The following TUSC3 variants were observed in gnomAD, a reference collection of about 807,000 sequenced individuals.
The protein encoded by TUSC3 is tumor suppressor candidate 3.
TUSC3 carries 45 observed loss-of-function variants against 44.8 expected under a neutral mutation model. The ratio of observed to expected loss-of-function variants is 1.00; its 90% confidence interval spans 0.79 to 1.29. The LOEUF (loss-of-function observed/expected upper bound fraction) is 1.29, where lower values mean the gene tolerates loss of function less well. TUSC3 is among the 50% of genes most tolerant of loss of function. The pLI is 0.00. For synonymous variants in TUSC3, 212 were observed against 152.9 expected, an observed-to-expected ratio of 1.39 and a Z score of -2.85; for missense variants, 519 against 437.9, an observed-to-expected ratio of 1.19 and a Z score of -1.65.
At chr8:15,816,159 G>C in the TUSC3 span, among the ~76,000 whole-genome samples, 884 of 152,254 alleles carry the variant, frequency 5.8e-3, 7 homozygotes, top group Non-Finnish European at 8.2e-3. Flanking sequence ...GGAGGTTTAG[G>C]AGCTTCTATA....
At chr8:15,504,875 A>C (rs773384899) in intron 2 of TUSC3, among the ~76,000 whole-genome samples, 1 of 151,590 alleles carries the variant, frequency 6.6e-6, no homozygotes, top group Non-Finnish European at 1.5e-5. Flanking sequence ...GATGGTCTCC[A>C]TCTCCTAACA....
At chr8:15,607,882 A>G (rs1325504649) in intron 1 of TUSC3, among the ~76,000 whole-genome samples, 4 of 152,110 alleles carry the variant, frequency 2.6e-5, no homozygotes, top group African/African-American at 9.7e-5. Context: ...CTGTCAGCAA[A>G]TATTTGATAA....
At chr8:15,582,243 A>G (rs1803393454) in intron 1 of TUSC3, among the ~76,000 whole-genome samples, 2 of 152,154 alleles carry the variant, frequency 1.3e-5, no homozygotes, top group South Asian at 4.1e-4. Flanking sequence ...GGTACCTCAG[A>G]TGGAAATGCA....
chr8:15,686,461 C>T (rs549383860), intron 6 of TUSC3, among the ~76,000 whole-genome samples: 2 of 151,946 alleles, frequency 1.3e-5, no homozygotes, highest in Non-Finnish European at 2.9e-5. Flanking sequence ...AAATGACCTG[C>T]TGATTTAGTC....
chr8:15,823,130 T>C, the TUSC3 span, among the ~76,000 whole-genome samples: 1 of 152,206 alleles, frequency 6.6e-6, no homozygotes, highest in Non-Finnish European at 1.5e-5. Context: ...TTTTTGCTTA[T>C]GGTATCAGTC....
intron 2 of TUSC3, among the ~76,000 whole-genome samples, chr8:15,647,827 T>C (rs1806700266): frequency 6.6e-6 from 1 of 152,202 alleles, no homozygotes; most frequent in Non-Finnish European, 1.5e-5. Context: ...TCTGAAGGAA[T>C]TCTTCTATTT....
chr8:15,662,324 T>A lies in TUSC3; in HGVS notation c.708+28T>A, dbSNP rs973283719. The A allele has an allele frequency of 1.9e-6, 3 of 1,611,904 alleles. No individual in the cohort carries two copies. In the African/African-American group the frequency reaches 4.0e-5, roughly 22 times the overall value. Reference sequence around the variant, plus strand: ...ATGTTAATACATTGTGCTTTTTTTATTTCCTGTTCTTTGTGTAATAATATA... The same window carrying A: ...ATGTTAATACATTGTGCTTTTTTTAATTCCTGTTCTTTGTGTAATAATATA... On this transcript the variant is annotated intron_variant, in intron 5 of 10. Coordinates refer to ENST00000503731, the MANE Select transcript of TUSC3 (RefSeq NM_006765.4).
the TUSC3 span, among the ~76,000 whole-genome samples, chr8:15,843,655 CATG>C: frequency 8.1e-5 from 12 of 148,258 alleles, no homozygotes; most frequent in Non-Finnish European, 1.2e-4. Context: ...TCTATATCTA[CATG>C]ATGTTTATAA....
intron 1 of TUSC3, 116 bp downstream of exon 1, chr8:15,540,684 G>A (rs899286317): frequency 7.3e-7 from 1 of 1,361,178 alleles, no homozygotes; most frequent in Non-Finnish European, 9.7e-7. Context: ...GGGCGATGCC[G>A]GCGCTGGGGC....
the TUSC3 span, chr8:15,807,093 C>T: frequency 3.8e-6 from 5 of 1,332,548 alleles, no homozygotes; most frequent in Non-Finnish European, 5.4e-6. Flanking sequence ...AACCTGAGAA[C>T]CAGGATGCCC....
intron 2 of TUSC3, among the ~76,000 whole-genome samples, chr8:15,527,358 A>C (rs1585076664): frequency 6.6e-6 from 1 of 152,024 alleles, no homozygotes; most frequent in East Asian, 1.9e-4. Context: ...CTGGGATTAC[A>C]GGTGCCCGGC....
At chr8:15,607,784 T>A (rs1224690050) in intron 1 of TUSC3, among the ~76,000 whole-genome samples, 1 of 152,132 alleles carries the variant, frequency 6.6e-6, no homozygotes, top group Non-Finnish European at 1.5e-5. Context: ...AGCAGCACTG[T>A]GTTTCAGTTA....
chr8:15,459,279 T>C (rs1357855346), intron 1 of TUSC3, among the ~76,000 whole-genome samples: 1 of 152,200 alleles, frequency 6.6e-6, no homozygotes, highest in Non-Finnish European at 1.5e-5. Context: ...CAGGAAGTTT[T>C]TGTCTTCTAA....
the TUSC3 span, among the ~76,000 whole-genome samples, chr8:15,849,967 A>G: frequency 6.6e-6 from 1 of 152,024 alleles, no homozygotes; most frequent in East Asian, 1.9e-4. Context: ...ATTCTGTCCA[A>G]GTTGTTTTCC....
intron 2 of TUSC3, among the ~76,000 whole-genome samples, chr8:15,502,761 G>A (rs1313204567): frequency 1.3e-5 from 2 of 152,284 alleles, no homozygotes; most frequent in African/African-American, 4.8e-5. Context: ...AAAGTGCTGG[G>A]ATTACAGGCA....
intron 1 of TUSC3, among the ~76,000 whole-genome samples, chr8:15,576,027 C>T (rs914433715): frequency 2.0e-5 from 3 of 151,654 alleles, no homozygotes; most frequent in African/African-American, 7.3e-5. Flanking sequence ...CAGCTTTTTC[C>T]TTTTGAAATT....
chr8:15,662,099 T>A (rs1374194493), intron 4 of TUSC3, 57 bp from the exon 5 acceptor site: 8 of 1,598,638 alleles, frequency 5.0e-6, no homozygotes, highest in Middle Eastern at 1.7e-4. Flanking sequence ...TAGAATATGA[T>A]CAAAAGAAAA....
intron 5 of TUSC3, among the ~76,000 whole-genome samples, chr8:15,667,121 G>A (rs182831442): frequency 1.1e-4 from 16 of 151,466 alleles, no homozygotes; most frequent in Admixed American, 9.2e-4. Context: ...CTTCATGCAC[G>A]GCTCATCTCC....
At chr8:15,773,792 CCTCT>C in the TUSC3 span, among the ~76,000 whole-genome samples, 1 of 152,138 alleles carries the variant, frequency 6.6e-6, no homozygotes, top group Admixed American at 6.6e-5. Context: ...ATACCCATAA[CCTCT>C]CTATTGATTT....
Sources: allele counts gnomAD v4.1 joint callset (sites outside exome capture counted in the v4.1 genomes callset), GRCh38; gene constraint gnomAD v4.1.1; transcripts MANE v1.5; gene names NCBI Gene and HGNC (gene_info 2026-07-23, HGNC 2026-07-21).